The following SEMA6A variants were observed in gnomAD, a reference collection of about 807,000 sequenced individuals.
SEMA6A encodes the protein semaphorin-6A.
In SEMA6A, 25 loss-of-function variants were observed where a neutral mutation model predicts 96.8. The ratio of observed to expected loss-of-function variants is 0.26; its 90% CI spans 0.19 to 0.36. The LOEUF is 0.36. SEMA6A is among the 10% of genes least tolerant of loss of function. The pLI is 1.00. For missense variants in SEMA6A, 1,363 were observed against 1,323.1 expected (o/e 1.03, Z -0.47); for synonymous variants, 612 against 518.0 (o/e 1.18, Z -2.46).
At chr5:116,567,480 C>A (rs1245374593) in intron 1 of SEMA6A, among the ~76,000 whole-genome samples, 1 of 152,100 alleles carries the variant, frequency 6.6e-6, no homozygotes, top group Non-Finnish European at 1.5e-5. Context: ...AAAAATAATA[C>A]CTTATGTTGA....
At chr5:116,562,398 C>A (rs759810197) in intron 1 of SEMA6A, among the ~76,000 whole-genome samples, 2 of 152,106 alleles carry the variant, frequency 1.3e-5, no homozygotes, top group African/African-American at 4.8e-5. Context: ...TCATATCTAA[C>A]CTTTATCAGA....
chr5:116,539,067 A>G (rs1759849476), intron 1 of SEMA6A, among the ~76,000 whole-genome samples: 1 of 151,760 alleles, frequency 6.6e-6, no homozygotes, highest in Non-Finnish European at 1.5e-5. Context: ...TATATAGAAG[A>G]TAATTTCAGA....
intron 1 of SEMA6A, among the ~76,000 whole-genome samples, chr5:116,507,874 A>G (rs1015312899): frequency 2.0e-5 from 3 of 152,206 alleles, no homozygotes; most frequent in African/African-American, 7.2e-5. Context: ...CTACAAAGTT[A>G]TAATCCTAAT....
chr5:116,564,932 A>G (rs1760969241), intron 1 of SEMA6A, among the ~76,000 whole-genome samples: 1 of 152,238 alleles, frequency 6.6e-6, no homozygotes, highest in South Asian at 2.1e-4. Context: ...AAAATAACAC[A>G]CGGCACACAG....
chr5:116,563,083 AC>A (rs755099991), intron 1 of SEMA6A, among the ~76,000 whole-genome samples: 4 of 152,186 alleles, frequency 2.6e-5, no homozygotes, highest in Non-Finnish European at 5.9e-5. Flanking sequence ...CCAATTCTCT[AC>A]AGTGTCTACA....
In SEMA6A at chr5:116,450,696, A is replaced by AT. The variant is rs536354506; in HGVS notation, c.1895-2886dup. Among the ~76,000 whole-genome samples, 281 of 152,172 alleles carry AT rather than the reference A, an allele frequency of 1.8e-3. 3 individuals are homozygous for AT. Among genetic ancestry groups the AT allele is most frequent in the African/African-American group, 6.1e-3 (255 of 41,528 alleles). On this transcript the variant is annotated intron_variant, in intron 18 of 18. Transcript: ENST00000343348. ...TTCAGGAAAATGGTATCTCAGACAG[A>AT]TTTTTTCCCCCGTCTCATTTTGTTA... is the stretch of plus-strand genomic sequence containing the variant.
chr5:116,539,629 A>G (rs1430826385), intron 1 of SEMA6A, among the ~76,000 whole-genome samples: 1 of 144,376 alleles, frequency 6.9e-6, no homozygotes, highest in African/African-American at 2.7e-5. Context: ...ACTTTCTTTA[A>G]TTTTACTCCT....
chr5:116,501,672 G>T (rs1757888089), intron 3 of SEMA6A, among the ~76,000 whole-genome samples: 1 of 152,164 alleles, frequency 6.6e-6, no homozygotes, highest in African/African-American at 2.4e-5. Context: ...TGAATCACCT[G>T]AGGTCAGGAG....
chr5:116,537,528 C>A (rs111412341), intron 1 of SEMA6A, among the ~76,000 whole-genome samples: 2 of 152,278 alleles, frequency 1.3e-5, no homozygotes, highest in African/African-American at 4.8e-5. Flanking sequence ...CCAGGGTTTC[C>A]AGTTGCATGA....
chr5:116,450,732 G>C (rs1190934652), intron 18 of SEMA6A, among the ~76,000 whole-genome samples: 1 of 152,056 alleles, frequency 6.6e-6, no homozygotes, highest in East Asian at 1.9e-4. Flanking sequence ...TATAAAGAGT[G>C]GCCTTAAAAA....
At chr5:116,534,267 C>T (rs993647461) in intron 1 of SEMA6A, among the ~76,000 whole-genome samples, 4 of 152,218 alleles carry the variant, frequency 2.6e-5, no homozygotes, top group Non-Finnish European at 4.4e-5. Flanking sequence ...TCTTTGCTGC[C>T]ACCATTTTGT....
chr5:116,482,788 A>G (rs1439857429), intron 10 of SEMA6A, among the ~76,000 whole-genome samples: 4 of 152,216 alleles, frequency 2.6e-5, no homozygotes, highest in Admixed American at 2.6e-4. Flanking sequence ...AGTTATAGGA[A>G]GCTCACAGAG....
At chr5:116,544,894 T>A (rs1261471918) in intron 1 of SEMA6A, among the ~76,000 whole-genome samples, 1 of 152,206 alleles carries the variant, frequency 6.6e-6, no homozygotes, top group East Asian at 1.9e-4. Context: ...TGATTCTCCA[T>A]TTAAAGTTTA....
At chr5:116,472,941 A>C (rs1756239430) in intron 17 of SEMA6A, 132 bp downstream of exon 17, 1 of 1,528,348 alleles carries the variant, frequency 6.5e-7, no homozygotes, top group Non-Finnish European at 8.8e-7. Flanking sequence ...AATGTCTATA[A>C]AAAAATGATG....
At chr5:116,516,670 A>G (rs1758681804) in intron 1 of SEMA6A, among the ~76,000 whole-genome samples, 1 of 152,168 alleles carries the variant, frequency 6.6e-6, no homozygotes, top group East Asian at 1.9e-4. Context: ...CTCTTCCCAA[A>G]CCAGAGTCAA....
rs142941454 is a variant in SEMA6A, at chr5:116,535,901, T to C, written c.-38-30919A>G. On this transcript the variant is annotated intron_variant, in intron 1 of 18. Coordinates refer to ENST00000343348, the MANE Select transcript of SEMA6A (RefSeq NM_020796.5). ...AAGAAGATATGCTGGTCATTTTGCG[T>C]AGCCTTTTAGTTTTTAGGCATTTTT... Among the ~76,000 whole-genome samples, 4 of 152,380 alleles carry C rather than the reference T, an allele frequency of 2.6e-5. No individual in the cohort carries two copies. In the East Asian group the frequency reaches 5.8e-4, roughly 22 times the overall value.
intron 1 of SEMA6A, among the ~76,000 whole-genome samples, chr5:116,553,074 A>G (rs1303250965): frequency 3.9e-5 from 6 of 152,222 alleles, no homozygotes; most frequent in African/African-American, 1.4e-4. Context: ...AAAACTATAG[A>G]GGGAAAATGA....
At chr5:116,537,678 C>T (rs918263902) in intron 1 of SEMA6A, among the ~76,000 whole-genome samples, 3 of 152,062 alleles carry the variant, frequency 2.0e-5, no homozygotes, top group African/African-American at 4.8e-5. Flanking sequence ...GGTGACTACG[C>T]TTATTGCCAT....
chr5:116,490,953 C>T (rs539850304), intron 7 of SEMA6A, among the ~76,000 whole-genome samples: 8 of 152,284 alleles, frequency 5.3e-5, no homozygotes, highest in Admixed American at 6.5e-5. Context: ...CCCACTACAT[C>T]TGAAAATGAT....
Sources: gnomAD v4.1 joint callset for allele counts (sites outside exome capture counted in the v4.1 genomes callset) on GRCh38, gnomAD v4.1.1 for gene constraint, MANE v1.5 for transcripts, NCBI Gene and HGNC (gene_info 2026-07-23, HGNC 2026-07-21) for gene names.